The following VPS52 variants were observed in gnomAD, a reference collection of about 807,000 sequenced individuals.
The protein encoded by VPS52 is VPS52 subunit of GARP complex, also known as vacuolar protein sorting-associated protein 52 homolog.
VPS52 carries 56 observed loss-of-function variants against 98.7 expected under a neutral mutation model. That is an observed-to-expected ratio of 0.57 (90% CI 0.46 to 0.71). The LOEUF is 0.71. Ranked by LOEUF, VPS52 falls within the 30% of genes least tolerant of loss-of-function variation. The probability of loss-of-function intolerance (pLI) is 0.00; values close to 1 mark genes in which losing one functional copy is unlikely to be tolerated. For missense variants in VPS52, 742 were observed against 925.9 expected (o/e 0.80, Z 2.58); for synonymous variants, 348 against 346.4 (o/e 1.00, Z -0.05).
intron 19 of VPS52, 50 bp downstream of exon 19, chr6:33,251,468 A>G: frequency 7.8e-7 from 1 of 1,282,470 alleles, no homozygotes. Flanking sequence ...AAGATGGGGA[A>G]AATAATTAAT....
rs145909637 is a variant in VPS52, at chr6:33,268,125, C to T, written c.783G>A (p.Thr261=). ...GTTGTGACCTGTACTTCAGCAGGGC[C>T]GTCTGGGGGATCTGATAGTTGGTCA... ...KPMTNYQIPQ[T]ALLKYRFFYQ... is the part of the protein sequence containing the mutation. The change falls in exon 8 of 20, where the codon ACG becomes ACA. Residue 261 remains threonine, a synonymous_variant. Transcript: ENST00000445902. The surrounding 1 kb of genome is among the most constrained non-coding windows in gnomAD (Gnocchi z 4.0). 1.7e-5 allele frequency: 27 copies of T among 1,613,006 alleles called. No homozygotes were observed. Among genetic ancestry groups the T allele is most frequent in the Admixed American group, 1.7e-4 (10 of 60,014 alleles).
intron 19 of VPS52, among the ~76,000 whole-genome samples, 161 bp downstream of exon 19, chr6:33,251,353 AAAAC>A (rs1349591550): frequency 6.6e-6 from 1 of 151,822 alleles, no homozygotes; most frequent in Non-Finnish European, 1.5e-5. Context: ...AAAAAAAAAC[AAAAC>A]AAACAAAAAA....
chr6:33,271,864 T>C lies in VPS52; in HGVS notation c.-189A>G. ...AACTGCAAATGGAAATATGGAAGTCTGAAACACAAACTAGCCCCGGAACCT... is the reference window on the plus strand; with the variant it reads ...AACTGCAAATGGAAATATGGAAGTCCGAAACACAAACTAGCCCCGGAACCT... On this transcript the variant is annotated 5_prime_UTR_variant, in exon 1 of 20. Coordinates refer to ENST00000445902, the MANE Select transcript of VPS52 (RefSeq NM_022553.6). 1 of 1,318,678 alleles carries C rather than the reference T, an allele frequency of 7.6e-7. No individual in the cohort carries two copies. Among genetic ancestry groups the C allele is most frequent in the Non-Finnish European group, 1.0e-6 (1 of 989,576 alleles). 81.7% of individuals were successfully genotyped at this position (1,318,678 alleles called of 1,614,324 possible).
chr6:33,251,353 A>G (rs1762210521), intron 19 of VPS52, among the ~76,000 whole-genome samples, 165 bp downstream of exon 19: 1 of 151,822 alleles, frequency 6.6e-6, no homozygotes, highest in Admixed American at 6.6e-5. Context: ...AAAAAAAAAC[A>G]AAACAAACAA....
chr6:33,263,775 C>G lies in VPS52; in HGVS notation c.1725G>C (p.Leu575=), dbSNP rs1272084905. The change falls in exon 16 of 20, where the codon CTG becomes CTC. Residue 575 remains leucine, a synonymous_variant. Coordinates refer to ENST00000445902, the MANE Select transcript of VPS52 (RefSeq NM_022553.6). ...AAGGAGAAGGAGCACCTATTACCAT[C>G]AGCACACCCAGCATCATGTCATAGT... ...INNYDMMLGV[L]MERAADDSKE... is the part of the protein sequence containing the mutation. 23 of 1,614,116 alleles carry G rather than the reference C, an allele frequency of 1.4e-5. No individual in the cohort carries two copies. The highest frequency in any genetic ancestry group is 1.8e-5 in the Non-Finnish European group (21 of 1,180,042).
Position 33,267,831 on chromosome 6 carries a change from T to G in VPS52, c.933+34A>C. 6.2e-7 allele frequency: 1 copy of G among 1,613,008 alleles called. No individual in the cohort carries two copies. Among genetic ancestry groups the G allele is most frequent in the Non-Finnish European group, 8.5e-7 (1 of 1,179,982 alleles). On this transcript the variant is annotated intron_variant, in intron 9 of 19. Transcript: ENST00000445902. The surrounding 1 kb of genome is among the most constrained non-coding windows in gnomAD (Gnocchi z 4.2). ...AGGGATGTCCCCTCCTCCCAGTCCA[T>G]GTGCCCAGGAATACCTCTCCCTCCT...
At chr6:33,262,040 C>CAAAAAAAAAAAAAAAAAAA (rs9257102) in intron 17 of VPS52, among the ~76,000 whole-genome samples, 1 of 15,378 alleles carries the variant, frequency 6.5e-5, no homozygotes, top group African/African-American at 2.3e-4. Flanking sequence ...AACTCCATCT[C>CAAAAAAAAAAAAAAAAAAA]AAAAAAAAAA....
rs1764565068 is a variant in VPS52 at position 33,268,129 on chromosome 6, TG to T, written c.778del (p.Gln260ArgfsTer5). 6.2e-7 allele frequency: 1 copy of T among 1,613,052 alleles called. No homozygotes were observed. The highest frequency in any genetic ancestry group is 8.5e-7 in the Non-Finnish European group (1 of 1,180,022). ...TGACCTGTACTTCAGCAGGGCCGTC[TG>T]GGGGATCTGATAGTTGGTCATGGGT... ...RKPMTNYQIP[Q>X]TALLKYRFFY... On this transcript the variant is annotated frameshift_variant, in exon 8 of 20. Coordinates refer to ENST00000445902, the MANE Select transcript of VPS52 (RefSeq NM_022553.6). LOFTEE classifies it high-confidence loss of function. This position sits in a 1 kb window ranked among gnomAD's most constrained non-coding sequence, Gnocchi z 4.0.
Position 33,250,885 on chromosome 6 carries a change from G to A in VPS52, c.2128C>T (p.His710Tyr), listed in dbSNP as rs1457047155. ...TTCTTGAGCTCCACCATAAGGTGGT[G>A]AATGTTGATGAGCTCAGCCCGGGCA... is the stretch of plus-strand genomic sequence containing the variant. ...LPARAELINIHHLMVELKKHK... is the reference protein window; with the variant it reads ...LPARAELINIYHLMVELKKHK... Residue 710 changes from histidine to tyrosine, a missense_variant, in exon 20 of 20, where the codon CAC becomes TAC. By Grantham distance (83) the His-to-Tyr change is moderately conservative. This residue lies in a region of VPS52 where 590 missense variants were observed against 793.3 expected (regional missense o/e 0.74). Transcript: ENST00000445902. 2 of 1,613,106 alleles carry A rather than the reference G, an allele frequency of 1.2e-6. No homozygotes were observed.
chr6:33,253,307 T>G (rs1226798169), intron 17 of VPS52, among the ~76,000 whole-genome samples: 1 of 151,934 alleles, frequency 6.6e-6, no homozygotes, highest in Non-Finnish European at 1.5e-5. Flanking sequence ...CTGGCCAACA[T>G]GGTGAAATCC....
intron 1 of VPS52, among the ~76,000 whole-genome samples, chr6:33,270,902 G>C (rs1196970151): frequency 7.3e-6 from 1 of 136,434 alleles, no homozygotes; most frequent in Admixed American, 8.2e-5. Flanking sequence ...AGTGAGCCAA[G>C]ATCGCGCCAC....
intron 17 of VPS52, among the ~76,000 whole-genome samples, chr6:33,263,009 T>A (rs1405587384): frequency 6.6e-6 from 1 of 152,162 alleles, no homozygotes; most frequent in Non-Finnish European, 1.5e-5. Context: ...AACTTAATTG[T>A]ACATTTTAAA....
intron 17 of VPS52, among the ~76,000 whole-genome samples, chr6:33,253,377 C>A (rs1762543337): frequency 6.6e-6 from 1 of 151,602 alleles, no homozygotes; most frequent in Non-Finnish European, 1.5e-5. Context: ...ATAATCCCAG[C>A]TACTCAGGAG....
chr6:33,261,371 G>A (rs1763614934), intron 17 of VPS52, among the ~76,000 whole-genome samples: 1 of 151,840 alleles, frequency 6.6e-6, no homozygotes, highest in South Asian at 2.1e-4. Flanking sequence ...GGAGGCTGAG[G>A]CAGGAGAATC....
chr6:33,264,763 A>T lies in VPS52; in HGVS notation c.1400+19T>A. On this transcript the variant is annotated intron_variant, in intron 13 of 19. Transcript: ENST00000445902. ...AGAGTTCGTGGCCTGTTGGGCATCA[A>T]GGACCAGAATTCAGTGACCTGTCCA... 6.2e-6 allele frequency: 10 copies of T among 1,608,674 alleles called. No individual in the cohort carries two copies. The highest frequency in any genetic ancestry group is 8.5e-6 in the Non-Finnish European group (10 of 1,175,844).
chr6:33,267,322 G>A lies in VPS52; in HGVS notation c.992-1C>T, dbSNP rs141678372. The A allele has an allele frequency of 8.2e-6, 13 of 1,577,162 alleles. No individual in the cohort carries two copies. Among genetic ancestry groups the A allele is most frequent in the Non-Finnish European group, 1.1e-5 (13 of 1,162,362 alleles). On this transcript the variant is annotated splice_acceptor_variant, in intron 10 of 19. Coordinates refer to ENST00000445902, the MANE Select transcript of VPS52 (RefSeq NM_022553.6). LOFTEE classifies it high-confidence loss of function. The surrounding 1 kb of genome is among the most constrained non-coding windows in gnomAD (Gnocchi z 4.2). ...CGGAGCGATGGCTTTGAGAAGAATCGTAAGATGGGTCAGAGTCAGGGAAAA... is the reference window on the plus strand; with the variant it reads ...CGGAGCGATGGCTTTGAGAAGAATCATAAGATGGGTCAGAGTCAGGGAAAA...
chr6:33,251,374 A>C, intron 19 of VPS52, 144 bp downstream of exon 19: 1 of 675,478 alleles, frequency 1.5e-6, no homozygotes, highest in Non-Finnish European at 2.6e-6. Flanking sequence ...AAAAAAAAGA[A>C]TCAGGTTAGG....
intron 1 of VPS52, 147 bp from the exon 2 acceptor site, chr6:33,270,430 G>T (rs1021392723): frequency 1.4e-6 from 1 of 691,530 alleles, no homozygotes; most frequent in Non-Finnish European, 2.3e-6. Flanking sequence ...AGAGTCTCAC[G>T]TTGTACCCAC....
At chr6:33,256,272 C>T (rs1221035015) in intron 17 of VPS52, among the ~76,000 whole-genome samples, 3 of 149,892 alleles carry the variant, frequency 2.0e-5, no homozygotes, top group Non-Finnish European at 4.4e-5. Flanking sequence ...TGAGACACTA[C>T]AAAAAATTAA....
Sources: gnomAD v4.1 joint callset for allele counts (sites outside exome capture counted in the v4.1 genomes callset) on GRCh38, gnomAD v4.1.1 for gene constraint, gnomAD v4.1.1 regional missense constraint, Gnocchi (gnomAD v3.1) non-coding constraint, MANE v1.5 for transcripts, NCBI Gene and HGNC (gene_info 2026-07-23, HGNC 2026-07-21) for gene names.